The following CSMD1 variants were observed in gnomAD, a reference collection of about 807,000 sequenced individuals.
CSMD1 encodes CUB and Sushi multiple domains 1.
A neutral mutation model predicts 417.5 loss-of-function variants in CSMD1; 213 were observed. The ratio of observed to expected loss-of-function variants is 0.51; its 90% CI spans 0.46 to 0.57. CSMD1 has a LOEUF of 0.57. Ranked by LOEUF, CSMD1 falls within the 20% of genes least tolerant of loss-of-function variation. The probability of loss-of-function intolerance (pLI) is 0.00; values close to 1 mark genes in which losing one functional copy is unlikely to be tolerated. For missense variants in CSMD1, 6,923 were observed against 4,529.7 expected (o/e 1.53, Z -15.17); for synonymous variants, 2,862 against 1,736.8 (o/e 1.65, Z -16.11).
At chr8:3,226,469 G>C (rs886884252) in intron 27 of CSMD1, among the ~76,000 whole-genome samples, 1 of 151,428 alleles carries the variant, frequency 6.6e-6, no homozygotes, top group African/African-American at 2.4e-5. Flanking sequence ...TATAATCCTA[G>C]CTACTCAGGA....
intron 1 of CSMD1, among the ~76,000 whole-genome samples, chr8:4,981,692 G>T (rs965968752): frequency 3.3e-5 from 5 of 152,068 alleles, no homozygotes; most frequent in African/African-American, 1.2e-4. Flanking sequence ...CAGACTCTTA[G>T]GGGGCCATGC....
At chr8:3,858,472 T>G (rs915962721) in intron 5 of CSMD1, among the ~76,000 whole-genome samples, 2 of 152,128 alleles carry the variant, frequency 1.3e-5, no homozygotes, top group Non-Finnish European at 2.9e-5. Flanking sequence ...TACTCTATCT[T>G]TAGATAATAA....
chr8:3,989,781 A>G (rs1029724565), intron 5 of CSMD1, among the ~76,000 whole-genome samples: 9 of 152,218 alleles, frequency 5.9e-5, no homozygotes, highest in Non-Finnish European at 1.2e-4. Context: ...CATTTAAAGG[A>G]TGTATTAAGC....
At chr8:4,326,653 G>A (rs1017719318) in intron 3 of CSMD1, among the ~76,000 whole-genome samples, 2 of 152,110 alleles carry the variant, frequency 1.3e-5, no homozygotes, top group Non-Finnish European at 2.9e-5. Context: ...TCTACCCAAC[G>A]TTTCCTCAAA....
At chr8:3,988,413 A>T (rs1814495345) in intron 5 of CSMD1, among the ~76,000 whole-genome samples, 1 of 152,220 alleles carries the variant, frequency 6.6e-6, no homozygotes, top group African/African-American at 2.4e-5. Flanking sequence ...TTATGGTTTT[A>T]GGTCTGTGTT....
At chr8:3,050,925 A>C (rs1374953683) in intron 50 of CSMD1, among the ~76,000 whole-genome samples, 1 of 152,184 alleles carries the variant, frequency 6.6e-6, no homozygotes, top group African/African-American at 2.4e-5. Context: ...CAAAAATATC[A>C]TTGTAAATAA....
intron 5 of CSMD1, among the ~76,000 whole-genome samples, chr8:3,974,864 T>C (rs1027318169): frequency 4.6e-5 from 7 of 152,108 alleles, no homozygotes; most frequent in African/African-American, 1.7e-4. Flanking sequence ...AAATCAGGTG[T>C]TATCATAATT....
chr8:3,785,294 A>C (rs1200101976), intron 5 of CSMD1, among the ~76,000 whole-genome samples: 1 of 152,256 alleles, frequency 6.6e-6, no homozygotes, highest in East Asian at 1.9e-4. Flanking sequence ...TTTATAAAAT[A>C]AATGATGAAA....
At chr8:4,726,985 A>C (rs1443857171) in intron 1 of CSMD1, among the ~76,000 whole-genome samples, 1 of 152,164 alleles carries the variant, frequency 6.6e-6, no homozygotes, top group Non-Finnish European at 1.5e-5. Context: ...ATTAGGATGG[A>C]AAATGAGACC....
chr8:4,326,127 G>A (rs1256288911), intron 3 of CSMD1, among the ~76,000 whole-genome samples: 1 of 152,104 alleles, frequency 6.6e-6, no homozygotes, highest in Non-Finnish European at 1.5e-5. Context: ...TACCGTCAGC[G>A]TTTCTGAAAT....
In CSMD1 at chr8:3,959,563, T is replaced by C. The variant is rs371387178; in HGVS notation, c.818+38340A>G. On this transcript the variant is annotated intron_variant, in intron 5 of 69. Coordinates refer to ENST00000635120, the MANE Select transcript of CSMD1 (RefSeq NM_033225.6). ...AGAAAAGAGAGACAAAGAGTTCCCATAGTTTTTGTCTCTTTTAATCTAAAA... is the reference window on the plus strand; with the variant it reads ...AGAAAAGAGAGACAAAGAGTTCCCACAGTTTTTGTCTCTTTTAATCTAAAA... 3.9e-5 allele frequency among the ~76,000 whole-genome samples: 6 copies of C among 152,338 alleles called. No homozygotes were observed. In the East Asian group the frequency reaches 1.2e-3, roughly 29 times the overall value.
intron 12 of CSMD1, among the ~76,000 whole-genome samples, chr8:3,458,223 A>G (rs962049849): frequency 6.6e-6 from 1 of 152,208 alleles, no homozygotes; most frequent in African/African-American, 2.4e-5. Flanking sequence ...CGGGCCACTA[A>G]CACTGGAATT....
chr8:3,722,949 C>A (rs1802272852), intron 6 of CSMD1, among the ~76,000 whole-genome samples: 1 of 152,174 alleles, frequency 6.6e-6, no homozygotes, highest in Non-Finnish European at 1.5e-5. Context: ...ACATAAATTA[C>A]TACCAACTTA....
chr8:4,751,576 C>T (rs911071047), intron 1 of CSMD1, among the ~76,000 whole-genome samples: 13 of 152,116 alleles, frequency 8.5e-5, no homozygotes, highest in African/African-American at 2.7e-4. Flanking sequence ...CTTAATCTCA[C>T]CTACAGATAA....
chr8:4,776,073 G>C (rs1796839196), intron 1 of CSMD1, among the ~76,000 whole-genome samples: 1 of 152,176 alleles, frequency 6.6e-6, no homozygotes, highest in African/African-American at 2.4e-5. Context: ...ATGAGTGTTT[G>C]GATCTCAGAT....
intron 11 of CSMD1, 177 bp from the exon 12 acceptor site, chr8:3,469,001 C>G: frequency 2.2e-6 from 1 of 460,278 alleles, no homozygotes. Flanking sequence ...ACATCACTAT[C>G]ACTGGTGCTT....
At chr8:3,478,857 T>C (rs1585224792) in intron 11 of CSMD1, among the ~76,000 whole-genome samples, 1 of 152,156 alleles carries the variant, frequency 6.6e-6, no homozygotes, top group Admixed American at 6.6e-5. Flanking sequence ...GCTATATAAA[T>C]GATCTCACCT....
At chr8:4,373,735 G>A (rs760366422) in intron 3 of CSMD1, among the ~76,000 whole-genome samples, 8 of 152,106 alleles carry the variant, frequency 5.3e-5, no homozygotes, top group Non-Finnish European at 1.2e-4. Flanking sequence ...TCCGGGGAAG[G>A]AACACTGTGC....
chr8:4,089,080 A>C (rs1273252060), intron 3 of CSMD1, among the ~76,000 whole-genome samples: 1 of 152,220 alleles, frequency 6.6e-6, no homozygotes, highest in African/African-American at 2.4e-5. Context: ...TCTGACAAAT[A>C]GTACCATGTA....
Sources: gnomAD v4.1 joint callset for allele counts (sites outside exome capture counted in the v4.1 genomes callset) on GRCh38, gnomAD v4.1.1 for gene constraint, MANE v1.5 for transcripts, NCBI Gene and HGNC (gene_info 2026-07-23, HGNC 2026-07-21) for gene names.